TMEM17: variants seen among roughly 807,000 people sequenced by gnomAD.
The protein encoded by TMEM17 is transmembrane protein 17.
Under a neutral mutation model 19.1 loss-of-function variants are expected in TMEM17, and 15 were observed. The observed-to-expected ratio is 0.78, with a 90% CI of 0.52 to 1.21. The LOEUF (loss-of-function observed/expected upper bound fraction) is 1.21, where lower values mean the gene tolerates loss of function less well. TMEM17 is among the 50% of genes most tolerant of loss of function. The pLI, the probability that TMEM17 is intolerant of heterozygous loss-of-function variation, is 0.00. For synonymous variants in TMEM17, 103 were observed against 86.9 expected (o/e 1.19, Z -1.03); for missense variants, 245 against 242.3 (o/e 1.01, Z -0.07).
the TMEM17 span, among the ~76,000 whole-genome samples, chr2:62,477,141 A>G: frequency 6.6e-6 from 1 of 152,210 alleles, no homozygotes; most frequent in African/African-American, 2.4e-5. Flanking sequence ...TCACGCCTGT[A>G]ATCCCAGCAC....
the TMEM17 span, among the ~76,000 whole-genome samples, chr2:62,462,813 C>T: frequency 1.3e-5 from 2 of 152,152 alleles, no homozygotes; most frequent in Non-Finnish European, 2.9e-5. Flanking sequence ...GGTCCCTCCT[C>T]CTTTCTCTAC....
chr2:62,467,272 T>C, the TMEM17 span, among the ~76,000 whole-genome samples: 437 of 151,738 alleles, frequency 2.9e-3, 2 homozygotes, highest in African/African-American at 9.8e-3. Context: ...CTGCCCATGA[T>C]TGCAGGATCC....
the TMEM17 span, among the ~76,000 whole-genome samples, chr2:62,479,889 CAAAAAAAAAAAAAAAA>C: frequency 1.5e-5 from 1 of 68,900 alleles, no homozygotes; most frequent in Non-Finnish European, 2.9e-5. Context: ...AGACCTGTCT[CAAAAAAAAAAAAAAAA>C]AAAAAAAAGA....
At chr2:62,472,699 G>A in the TMEM17 span, among the ~76,000 whole-genome samples, 2 of 152,184 alleles carry the variant, frequency 1.3e-5, no homozygotes, top group Non-Finnish European at 2.9e-5. Flanking sequence ...TGGGCAATGG[G>A]GTGGTAGATT....
At chr2:62,465,836 G>A in the TMEM17 span, among the ~76,000 whole-genome samples, 2 of 152,300 alleles carry the variant, frequency 1.3e-5, no homozygotes, top group Middle Eastern at 6.8e-3. Context: ...ACTTAGATGT[G>A]GAAAGGTACC....
At chr2:62,487,322 C>T in the TMEM17 span, among the ~76,000 whole-genome samples, 1 of 152,212 alleles carries the variant, frequency 6.6e-6, no homozygotes, top group African/African-American at 2.4e-5. Context: ...CTCTGACATT[C>T]ACTCTTCTGC....
downstream of TMEM17, among the ~76,000 whole-genome samples, chr2:62,498,142 T>C (rs984606977): frequency 5.3e-5 from 8 of 152,128 alleles, no homozygotes; most frequent in African/African-American, 1.9e-4. Flanking sequence ...CCCAGCACTT[T>C]GGGAGGCTGA....
the TMEM17 span, among the ~76,000 whole-genome samples, chr2:62,489,152 G>C: frequency 6.6e-6 from 1 of 152,192 alleles, no homozygotes; most frequent in African/African-American, 2.4e-5. Flanking sequence ...CTGAGGATGA[G>C]TGATGACTTT....
chr2:62,467,883 CTTTTTTTT>C, the TMEM17 span, among the ~76,000 whole-genome samples: 1 of 135,082 alleles, frequency 7.4e-6, no homozygotes, highest in African/African-American at 2.7e-5. Flanking sequence ...GCCATCTCTC[CTTTTTTTT>C]TTTTTTTTTT....
chr2:62,457,234 C>T, the TMEM17 span, among the ~76,000 whole-genome samples: 3 of 152,248 alleles, frequency 2.0e-5, no homozygotes, highest in South Asian at 6.2e-4. The surrounding 1 kb of genome is among the most constrained non-coding windows in gnomAD (Gnocchi z 4.2). Context: ...CTTCGCCGTC[C>T]CAGCCCCGCA....
the TMEM17 span, among the ~76,000 whole-genome samples, chr2:62,477,090 A>G: frequency 6.6e-6 from 1 of 152,142 alleles, no homozygotes; most frequent in Non-Finnish European, 1.5e-5. Flanking sequence ...ACTGCAGCTT[A>G]ATCCCTCCCA....
chr2:62,475,955 A>G, the TMEM17 span, among the ~76,000 whole-genome samples: 2 of 152,142 alleles, frequency 1.3e-5, no homozygotes, highest in African/African-American at 2.4e-5. Flanking sequence ...TGTCAAGCAA[A>G]TGCTCGTGTT....
chr2:62,502,745 A>AT lies in TMEM17; in HGVS notation c.149dup (p.Asn50LysfsTer25). The AT allele has an allele frequency of 6.2e-7, 1 of 1,609,726 alleles. No individual in the cohort carries two copies. Among genetic ancestry groups the AT allele is most frequent in the Non-Finnish European group, 8.5e-7 (1 of 1,178,764 alleles). On this transcript the variant is annotated frameshift_variant, in exon 2 of 4. Transcript: ENST00000335390. LOFTEE classifies it high-confidence loss of function. ...CCCACCACAGTGGGAAATAGTAGGT[A>AT]TTAAAATAAAGTGACATCTGCAGTG...
At chr2:62,478,679 T>G in the TMEM17 span, among the ~76,000 whole-genome samples, 1 of 152,256 alleles carries the variant, frequency 6.6e-6, no homozygotes, top group Admixed American at 6.5e-5. Flanking sequence ...AAGATGCTGG[T>G]CCCATTTATT....
the TMEM17 span, among the ~76,000 whole-genome samples, chr2:62,461,356 G>A: frequency 6.6e-6 from 1 of 152,186 alleles, no homozygotes; most frequent in Admixed American, 6.5e-5. Context: ...TCAGCCGCAG[G>A]CTCTGCACCT....
At chr2:62,454,076 T>C in the TMEM17 span, among the ~76,000 whole-genome samples, 1 of 152,250 alleles carries the variant, frequency 6.6e-6, no homozygotes, top group African/African-American at 2.4e-5. Context: ...GCCTGTAAGC[T>C]GGCCTTAGCG....
chr2:62,479,040 A>G, the TMEM17 span, among the ~76,000 whole-genome samples: 1 of 152,232 alleles, frequency 6.6e-6, no homozygotes, highest in African/African-American at 2.4e-5. Context: ...CATATGCGTC[A>G]TCTCAAACAT....
the TMEM17 span, among the ~76,000 whole-genome samples, chr2:62,454,522 G>T: frequency 6.6e-6 from 1 of 152,118 alleles, no homozygotes; most frequent in Non-Finnish European, 1.5e-5. Context: ...CCAGAGAAGT[G>T]CTGGGCCATA....
chr2:62,463,126 T>C, the TMEM17 span: 2 of 152,228 alleles, frequency 1.3e-5, no homozygotes, highest in East Asian at 3.8e-4. Context: ...GGGAATCAAA[T>C]AGGAGCCAGT....
Sources: allele counts gnomAD v4.1 joint callset (sites outside exome capture counted in the v4.1 genomes callset), GRCh38; gene constraint gnomAD v4.1.1; non-coding constraint Gnocchi (gnomAD v3.1); transcripts MANE v1.5; gene names NCBI Gene and HGNC (gene_info 2026-07-23, HGNC 2026-07-21).